Variants in SUMF1 observed in about 807,000 individuals in gnomAD.
SUMF1 encodes sulfatase modifying factor 1.
Under a neutral mutation model 47.6 loss-of-function variants are expected in SUMF1, and 48 were observed. The observed-to-expected ratio is 1.01, with a 90% confidence interval of 0.80 to 1.28. The LOEUF (loss-of-function observed/expected upper bound fraction) is 1.28, where lower values mean the gene tolerates loss of function less well. SUMF1 is among the 50% of genes most tolerant of loss of function. The probability of loss-of-function intolerance (pLI) is 0.00; values close to 1 mark genes in which losing one functional copy is unlikely to be tolerated. For synonymous variants in SUMF1, 230 were observed against 192.1 expected (o/e 1.20, Z -1.63); for missense variants, 571 against 485.4 (o/e 1.18, Z -1.66).
At chr3:4,434,811 GA>G (rs987777296) in intron 3 of SUMF1, among the ~76,000 whole-genome samples, 1 of 151,414 alleles carries the variant, frequency 6.6e-6, no homozygotes, top group South Asian at 2.1e-4. Context: ...GATTTTGCTG[GA>G]AAAAAAAATT....
chr3:4,097,276 C>T (rs1375727830), intron 8 of SUMF1, among the ~76,000 whole-genome samples: 1 of 152,096 alleles, frequency 6.6e-6, no homozygotes, highest in African/African-American at 2.4e-5. Flanking sequence ...TTGAGCCAGG[C>T]ACGGTGGCTC....
At chr3:4,159,944 T>C (rs1374664850) in intron 8 of SUMF1, among the ~76,000 whole-genome samples, 1 of 152,170 alleles carries the variant, frequency 6.6e-6, no homozygotes. Context: ...AGCACAATTG[T>C]ATGTTATTTG....
chr3:4,456,969 T>TAC (rs1331111123), intron 1 of SUMF1, among the ~76,000 whole-genome samples: 3 of 146,006 alleles, frequency 2.1e-5, no homozygotes, highest in African/African-American at 7.6e-5. Flanking sequence ...TGTATATATA[T>TAC]ACGTGTGTGT....
At chr3:4,097,174 A>T (rs1264944436) in intron 8 of SUMF1, among the ~76,000 whole-genome samples, 2 of 152,174 alleles carry the variant, frequency 1.3e-5, no homozygotes, top group Non-Finnish European at 2.9e-5. Context: ...TCATAGAAGT[A>T]AACTAGAATT....
intron 8 of SUMF1, among the ~76,000 whole-genome samples, chr3:4,311,379 C>T (rs1295934153): frequency 1.3e-5 from 2 of 152,202 alleles, no homozygotes; most frequent in African/African-American, 2.4e-5. Context: ...GCTTTAAAAT[C>T]TATCCCCAAT....
intron 8 of SUMF1, chr3:4,317,228 T>C (rs1028444113): frequency 9.1e-5 from 141 of 1,541,998 alleles, no homozygotes; most frequent in Middle Eastern, 1.7e-4. Flanking sequence ...TTGATTGTAA[T>C]GGTTCCTATT....
In SUMF1 at chr3:4,254,457, C is replaced by T. The variant is rs1318066127; in HGVS notation, c.1014+121873G>A. 5.9e-4 allele frequency among the ~76,000 whole-genome samples: 88 copies of T among 149,912 alleles called. 1 individual carries two copies. In the South Asian group the frequency reaches 0.015, roughly 25 times the overall value. ...GCTGAAAACCAAGGCTCGAGAACTA[C>T]GTGAAGAATGCAGAAGCCTCAGGAG... On this transcript the variant is annotated intron_variant and NMD_transcript_variant, in intron 8 of 12. Transcript: ENST00000448413.
intron 8 of SUMF1, among the ~76,000 whole-genome samples, chr3:4,140,804 T>G (rs1262139669): frequency 2.0e-5 from 3 of 152,018 alleles, no homozygotes; most frequent in African/African-American, 7.2e-5. Context: ...ATCCTTAGAA[T>G]AGAGAAAACT....
intron 8 of SUMF1, among the ~76,000 whole-genome samples, chr3:4,354,914 A>G (rs1422523135): frequency 1.3e-5 from 2 of 152,192 alleles, no homozygotes; most frequent in African/African-American, 4.8e-5. Flanking sequence ...ACAACCCCAC[A>G]AGGTAGGTAT....
chr3:4,092,970 C>T (rs1283121732), intron 8 of SUMF1, among the ~76,000 whole-genome samples: 40 of 151,962 alleles, frequency 2.6e-4, no homozygotes, highest in Non-Finnish European at 7.4e-5. Context: ...GAAGTTATTC[C>T]ATGAATGTGC....
At chr3:4,152,537 C>T (rs899604811) in intron 8 of SUMF1, among the ~76,000 whole-genome samples, 1 of 151,204 alleles carries the variant, frequency 6.6e-6, no homozygotes, top group African/African-American at 2.5e-5. Context: ...AAGTGATCCT[C>T]CCTCCTCAGC....
intron 8 of SUMF1, among the ~76,000 whole-genome samples, chr3:4,342,834 T>C (rs1351070982): frequency 6.6e-6 from 1 of 152,196 alleles, no homozygotes; most frequent in East Asian, 1.9e-4. Flanking sequence ...CTAGTGACCC[T>C]CAGGAGCAGC....
intron 8 of SUMF1, among the ~76,000 whole-genome samples, chr3:4,094,593 A>T (rs1692860430): frequency 6.6e-6 from 1 of 152,042 alleles, no homozygotes; most frequent in Non-Finnish European, 1.5e-5. Context: ...AGTCCCAGTT[A>T]TGCCTTTTGT....
At chr3:4,401,784 G>T (rs2582339) in intron 7 of SUMF1, among the ~76,000 whole-genome samples, 152,316 of 152,316 alleles carry the variant, frequency 1, 76,158 homozygotes, top group Non-Finnish European at 1. Flanking sequence ...TCTTTTAATG[G>T]TTCTGTGATA....
intron 8 of SUMF1, among the ~76,000 whole-genome samples, chr3:4,109,836 T>G (rs181844119): frequency 6.6e-6 from 1 of 152,142 alleles, no homozygotes; most frequent in Non-Finnish European, 1.5e-5. Context: ...CTAATCTTTT[T>G]TCAAAGCTTT....
At chr3:4,143,695 T>C (rs2587916) in intron 8 of SUMF1, among the ~76,000 whole-genome samples, 36,586 of 152,042 alleles carry the variant, frequency 0.24, 5,174 homozygotes, top group East Asian at 0.4. Context: ...CATTCTTATA[T>C]AAAACTAGGC....
At chr3:4,050,035 C>G (rs1695078630) in intron 9 of SUMF1, among the ~76,000 whole-genome samples, 1 of 151,982 alleles carries the variant, frequency 6.6e-6, no homozygotes, top group Non-Finnish European at 1.5e-5. Flanking sequence ...CTCTCCCACG[C>G]CATTCTGCCA....
chr3:4,131,360 G>T (rs1301381628), intron 8 of SUMF1, among the ~76,000 whole-genome samples: 1 of 152,112 alleles, frequency 6.6e-6, no homozygotes, highest in East Asian at 1.9e-4. Context: ...TGGCCTCATG[G>T]GGAGTTCCCT....
chr3:4,447,413 A>G (rs1459852478), intron 3 of SUMF1, among the ~76,000 whole-genome samples: 1 of 152,126 alleles, frequency 6.6e-6, no homozygotes, highest in Non-Finnish European at 1.5e-5. Flanking sequence ...TTTCTTTCTA[A>G]CTTAATCAAG....
Sources: gnomAD v4.1 joint callset for allele counts (sites outside exome capture counted in the v4.1 genomes callset) on GRCh38, gnomAD v4.1.1 for gene constraint, MANE v1.5 for transcripts, NCBI Gene and HGNC (gene_info 2026-07-23, HGNC 2026-07-21) for gene names.